Variants in JPH1 observed in about 807,000 individuals in gnomAD.
The protein encoded by JPH1 is junctophilin-1.
In JPH1, 12 loss-of-function variants were observed where a neutral mutation model predicts 53.6. The ratio of observed to expected loss-of-function variants is 0.22; its 90% CI spans 0.14 to 0.36. The LOEUF is 0.36. JPH1 is among the 10% of genes least tolerant of loss of function. JPH1 has a pLI of 1.00. For synonymous variants in JPH1, 375 were observed against 363.8 expected (o/e 1.03, Z -0.35); for missense variants, 808 against 905.5 (o/e 0.89, Z 1.38).
chr8:74,237,355 G>C (rs182268773), intron 4 of JPH1, 52 bp from the exon 5 acceptor site: 1 of 1,382,076 alleles, frequency 7.2e-7, no homozygotes, highest in East Asian at 2.3e-5. Context: ...TTAATATCAA[G>C]ATATTACCAA....
chr8:74,254,328 T>C (rs1806154867), intron 3 of JPH1, among the ~76,000 whole-genome samples: 1 of 152,092 alleles, frequency 6.6e-6, no homozygotes, highest in African/African-American at 2.4e-5. Flanking sequence ...AAAAGGCCTT[T>C]GACAAAATTC....
chr8:74,252,656 C>T (rs186713443), intron 3 of JPH1, among the ~76,000 whole-genome samples: 5,831 of 152,018 alleles, frequency 0.038, 387 homozygotes, highest in African/African-American at 0.13. Flanking sequence ...ACCCATCTCA[C>T]GTGCAGAGAC....
At chr8:74,292,140 G>A (rs371241011) in intron 2 of JPH1, among the ~76,000 whole-genome samples, 9 of 152,120 alleles carry the variant, frequency 5.9e-5, no homozygotes, top group Admixed American at 1.3e-4. Context: ...AAACCTGCAC[G>A]TTGTGCACAT....
intron 4 of JPH1, among the ~76,000 whole-genome samples, chr8:74,242,819 G>A (rs1335840146): frequency 6.6e-6 from 1 of 152,244 alleles, no homozygotes; most frequent in Non-Finnish European, 1.5e-5. Flanking sequence ...TACTGAGATG[G>A]AGGATGCTTG....
chr8:74,289,357 C>T (rs774542711), intron 2 of JPH1, among the ~76,000 whole-genome samples: 12 of 152,136 alleles, frequency 7.9e-5, no homozygotes, highest in African/African-American at 2.4e-4. Context: ...ACCACCTTAG[C>T]GAGAACAGAC....
At chr8:74,308,778 A>C (rs1356037451) in intron 2 of JPH1, among the ~76,000 whole-genome samples, 2 of 152,220 alleles carry the variant, frequency 1.3e-5, no homozygotes, top group Non-Finnish European at 2.9e-5. Context: ...CCTAGGCTTA[A>C]AGCAGAGTGA....
intron 2 of JPH1, among the ~76,000 whole-genome samples, chr8:74,277,832 A>G (rs1806891486): frequency 1.3e-5 from 2 of 152,212 alleles, no homozygotes; most frequent in South Asian, 2.1e-4. Flanking sequence ...TAACTTAAAA[A>G]TAAGTTTCTA....
intron 2 of JPH1, among the ~76,000 whole-genome samples, chr8:74,265,177 AG>A (rs1806496701): frequency 6.6e-6 from 1 of 152,196 alleles, no homozygotes; most frequent in South Asian, 2.1e-4. Flanking sequence ...TGTAATACTA[AG>A]TTTTCTGAAC....
chr8:74,259,431 G>A lies in JPH1; in HGVS notation c.1212C>T (p.Ile404=), dbSNP rs759341042. The part of the protein sequence containing the change: ...AALAARQECD[I]ARAVARELSP... ...ACAGCTCCCTGGCCACAGCTCTCGCGATGTCGCACTCCTGGCGAGCGGCCA... is the reference window on the plus strand; with the variant it reads ...ACAGCTCCCTGGCCACAGCTCTCGCAATGTCGCACTCCTGGCGAGCGGCCA... Residue 404 remains isoleucine, a synonymous_variant, in exon 3 of 6, where the codon ATC becomes ATT. Transcript: ENST00000342232. 4.3e-6 allele frequency: 7 copies of A among 1,613,624 alleles called. No homozygotes were observed. Among genetic ancestry groups the A allele is most frequent in the African/African-American group, 1.3e-5 (1 of 74,926 alleles).
At chr8:74,244,121 G>C (rs1805779025) in intron 4 of JPH1, among the ~76,000 whole-genome samples, 1 of 152,212 alleles carries the variant, frequency 6.6e-6, no homozygotes, top group Non-Finnish European at 1.5e-5. Flanking sequence ...GGAGAACTAA[G>C]AACTTGTTGG....
chr8:74,291,273 A>G (rs1321539065), intron 2 of JPH1, among the ~76,000 whole-genome samples: 3 of 152,372 alleles, frequency 2.0e-5, no homozygotes, highest in Admixed American at 6.5e-5. Flanking sequence ...AAGAACTTAA[A>G]CAAATTTACA....
intron 4 of JPH1, among the ~76,000 whole-genome samples, chr8:74,240,949 T>C (rs1805675636): frequency 6.6e-6 from 1 of 152,256 alleles, no homozygotes; most frequent in South Asian, 2.1e-4. Context: ...TTTAGATTAC[T>C]ATCTTTTCTC....
In JPH1 at chr8:74,321,297, A is replaced by T; in HGVS notation, c.-10T>A. The T allele has an allele frequency of 3.2e-6, 5 of 1,541,012 alleles. No individual in the cohort carries two copies. The highest frequency in any genetic ancestry group is 4.4e-6 in the Non-Finnish European group (5 of 1,144,054). ...ACCTTCCGCCCGTCATTCGGGGGGC[A>T]GCCCCGGCGCGCTCCCCGCAGGGGC... On this transcript the variant is annotated 5_prime_UTR_variant, in exon 1 of 6. Transcript: ENST00000342232. The surrounding 1 kb of genome is among the most constrained non-coding windows in gnomAD (Gnocchi z 4.3).
intron 3 of JPH1, among the ~76,000 whole-genome samples, chr8:74,255,036 A>G (rs1806177547): frequency 6.6e-6 from 1 of 152,206 alleles, no homozygotes; most frequent in South Asian, 2.1e-4. Context: ...CAGAATTGGA[A>G]AAAACTACTT....
chr8:74,253,260 A>G (rs1330009670), intron 3 of JPH1, among the ~76,000 whole-genome samples: 3 of 152,144 alleles, frequency 2.0e-5, no homozygotes, highest in African/African-American at 7.3e-5. Context: ...GCTCAACTAC[A>G]TGGAAACTGA....
Position 74,244,673 on chromosome 8 carries a change from G to A in JPH1, c.1761C>T (p.Asn587=), listed in dbSNP as rs1454737348. The stretch of plus-strand genomic sequence containing the variant: ...TCACAGATTTGGAGGGACTCCACTT[G>A]TTAGCGGATGGCTTGTGCACCAGTG... ...SSALVHKPSA[N]KWSPSKSVTK... is the part of the protein sequence containing the mutation. The change falls in exon 4 of 6, where the codon AAC becomes AAT. Residue 587 remains asparagine (N), a synonymous_variant. Transcript: ENST00000342232. 2 of 1,614,078 alleles carry A rather than the reference G, an allele frequency of 1.2e-6. No individual in the cohort carries two copies. Among genetic ancestry groups the A allele is most frequent in the African/African-American group, 2.7e-5 (2 of 74,918 alleles).
chr8:74,235,006 C>T lies in JPH1; in HGVS notation c.*2045G>A, dbSNP rs1806956136. The T allele has an allele frequency of 6.6e-6, 1 of 152,574 alleles. No homozygotes were observed. The highest frequency in any genetic ancestry group is 2.4e-5 in the African/African-American group (1 of 41,428). 9.5% of individuals were successfully genotyped at this position (152,574 alleles called of 1,614,324 possible). A position where few individuals can be genotyped will look rare whatever the true frequency, so the allele number is the denominator to read the frequency against. ...GTTTTAAAAAAGCTTATAAATCATA[C>T]ATATATTTATAAATGGGACCAACAT... On this transcript the variant is annotated 3_prime_UTR_variant, in exon 6 of 6. Coordinates refer to ENST00000342232, the MANE Select transcript of JPH1 (RefSeq NM_020647.4).
At chr8:74,252,602 A>G (rs558038951) in intron 3 of JPH1, among the ~76,000 whole-genome samples, 1 of 152,256 alleles carries the variant, frequency 6.6e-6, no homozygotes, top group Admixed American at 6.5e-5. Context: ...AGACTGGCAA[A>G]TTGGATAAAG....
chr8:74,256,594 G>A (rs966188623), intron 3 of JPH1, among the ~76,000 whole-genome samples: 12 of 151,172 alleles, frequency 7.9e-5, no homozygotes, highest in African/African-American at 2.7e-4. Flanking sequence ...CAACAAGTGG[G>A]CGAAGGATAT....
Sources: allele counts gnomAD v4.1 joint callset (sites outside exome capture counted in the v4.1 genomes callset), GRCh38; gene constraint gnomAD v4.1.1; non-coding constraint Gnocchi (gnomAD v3.1); transcripts MANE v1.5; gene names NCBI Gene and HGNC (gene_info 2026-07-23, HGNC 2026-07-21).